ABCC3: variants seen among roughly 807,000 people sequenced by gnomAD.
ABCC3 encodes ATP-binding cassette sub-family C member 3.
ABCC3 carries 121 observed loss-of-function variants against 165.3 expected under a neutral mutation model. The observed-to-expected ratio is 0.73, with a 90% CI of 0.63 to 0.85. The LOEUF (loss-of-function observed/expected upper bound fraction) is 0.85, where lower values mean the gene tolerates loss of function less well. Among genes scored for constraint, ABCC3 ranks in the 40% least tolerant of loss-of-function variants. The pLI is 0.00. For synonymous variants in ABCC3, 733 were observed against 810.1 expected, an observed-to-expected ratio of 0.90 and a Z score of 1.62; for missense variants, 1,869 against 1,964.1, an observed-to-expected ratio of 0.95 and a Z score of 0.92.
intron 1 of ABCC3, among the ~76,000 whole-genome samples, chr17:50,645,012 C>T (rs1264567661): frequency 6.7e-6 from 1 of 149,914 alleles, no homozygotes; most frequent in Non-Finnish European, 1.5e-5. Context: ...AGCGAGACTC[C>T]GTCTCAAAAA....
chr17:50,668,880 C>A lies in ABCC3; in HGVS notation c.1898C>A (p.Thr633Asn). 6.2e-7 allele frequency: 1 copy of A among 1,614,062 alleles called. No homozygotes were observed. Among genetic ancestry groups the A allele is most frequent in the African/African-American group, 1.3e-5 (1 of 75,030 alleles). ...PGYAITIHSG[T>N]FTWAQDLPPT... is the part of the protein sequence containing the mutation. ...TATGCCATCACCATACACAGTGGCA[C>A]CTTCACCTGGGCCCAGGACCTGCCC... Residue 633 changes from threonine to asparagine, a missense_variant, in exon 15 of 31, where the codon ACC becomes AAC. Transcript: ENST00000285238.
chr17:50,638,119 G>T (rs1228049331), intron 1 of ABCC3, among the ~76,000 whole-genome samples: 1 of 152,230 alleles, frequency 6.6e-6, no homozygotes, highest in East Asian at 1.9e-4. Context: ...TTCCAAAAGA[G>T]TGAACTGTGT....
chr17:50,668,567 A>G (rs750110880), intron 14 of ABCC3, 50 bp downstream of exon 14: 3 of 1,455,602 alleles, frequency 2.1e-6, no homozygotes. Context: ...TGCTCCAGAA[A>G]AACCTCTGTT....
intron 29 of ABCC3, among the ~76,000 whole-genome samples, chr17:50,685,624 A>C (rs72839226): frequency 0.098 from 14,871 of 152,298 alleles, 817 homozygotes; most frequent in Middle Eastern, 0.16. Flanking sequence ...TTCTTCCTAC[A>C]AGTTTGAAAT....
intron 30 of ABCC3, among the ~76,000 whole-genome samples, chr17:50,689,937 A>G (rs555681586): frequency 1.3e-5 from 2 of 152,262 alleles, no homozygotes; most frequent in South Asian, 2.1e-4. Flanking sequence ...GAAATTAATC[A>G]AATAATCATG....
rs191348959 is a variant in ABCC3 at position 50,653,849 on chromosome 17, A to G, written c.46-1983A>G. Among the ~76,000 whole-genome samples, 83 of 152,240 alleles carry G rather than the reference A, an allele frequency of 5.5e-4. 1 individual carries two copies. The highest frequency in any genetic ancestry group is 5.1e-3 in the Admixed American group (78 of 15,290). On this transcript the variant is annotated intron_variant, in intron 1 of 30. Coordinates refer to ENST00000285238, the MANE Select transcript of ABCC3 (RefSeq NM_003786.4). ...TACTTACAGAGAGAAAAAAAGTGACACATAGAAATAGCCTATTTAGAACTC... is the reference window on the plus strand; with the variant it reads ...TACTTACAGAGAGAAAAAAAGTGACGCATAGAAATAGCCTATTTAGAACTC...
chr17:50,647,080 T>C (rs1029676787), intron 1 of ABCC3, among the ~76,000 whole-genome samples: 2 of 152,148 alleles, frequency 1.3e-5, no homozygotes, highest in African/African-American at 4.8e-5. Context: ...GATTTCACCA[T>C]GTTGGTCAGG....
Position 50,674,016 on chromosome 17 carries a change from C to T in ABCC3, c.2599+358C>T, listed in dbSNP as rs1398822156. 1.3e-3 allele frequency among the ~76,000 whole-genome samples: 33 copies of T among 25,584 alleles called. 2 individuals carry two copies. The highest frequency in any genetic ancestry group is 2.8e-3 in the East Asian group (4 of 1,412). The allele number at this position is 25,584 out of a possible 152,430, so 16.8% of individuals were successfully genotyped here. A position where few individuals can be genotyped will look rare whatever the true frequency, so the allele number is the denominator to read the frequency against. On this transcript the variant is annotated intron_variant, in intron 19 of 30. Coordinates refer to ENST00000285238, the MANE Select transcript of ABCC3 (RefSeq NM_003786.4). ...TCTCTCTCTCTCTCTCTCTCTCTCT[C>T]TCTCTCTCTCTCTCTCTCTCTTTCT... is the stretch of plus-strand genomic sequence containing the variant.
At chr17:50,670,870 A>G (rs1967633561) in intron 17 of ABCC3, among the ~76,000 whole-genome samples, 1 of 152,196 alleles carries the variant, frequency 6.6e-6, no homozygotes, top group South Asian at 2.1e-4. Flanking sequence ...TACCTTGGTT[A>G]AGATTTTGGC....
In ABCC3 at chr17:50,677,768, C is replaced by T; in HGVS notation, c.3403C>T (p.Gln1135Ter). ...VQRFYAATSR[Q>*]LKRLESVSRS... is the part of the protein sequence containing the mutation. ...GCGCTTCTATGCAGCCACATCACGG[C>T]AACTGAAGCGGCTGGAATCAGTCAG... Residue 1135 changes from glutamine to a stop codon, truncating the protein, a stop_gained, in exon 24 of 31, where the codon CAA becomes TAA. Coordinates refer to ENST00000285238, the MANE Select transcript of ABCC3 (RefSeq NM_003786.4). LOFTEE classifies it high-confidence loss of function. 1 of 1,614,108 alleles carries T rather than the reference C, an allele frequency of 6.2e-7. No homozygotes were observed. The highest frequency in any genetic ancestry group is 8.5e-7 in the Non-Finnish European group (1 of 1,180,034).
chr17:50,668,197 G>A (rs1328527746), intron 13 of ABCC3, among the ~76,000 whole-genome samples, 188 bp downstream of exon 13: 1 of 152,150 alleles, frequency 6.6e-6, no homozygotes, highest in Non-Finnish European at 1.5e-5. Flanking sequence ...GTCACAGGTG[G>A]TCAGGTCGGG....
At chr17:50,651,419 A>G (rs1156698875) in intron 1 of ABCC3, among the ~76,000 whole-genome samples, 1 of 152,104 alleles carries the variant, frequency 6.6e-6, no homozygotes, top group Non-Finnish European at 1.5e-5. Flanking sequence ...TCTTGATGCT[A>G]AGAGTGTTAA....
chr17:50,653,219 G>A lies in ABCC3; in HGVS notation c.46-2613G>A, dbSNP rs775169074. On this transcript the variant is annotated intron_variant, in intron 1 of 30. Coordinates refer to ENST00000285238, the MANE Select transcript of ABCC3 (RefSeq NM_003786.4). Reference sequence around the variant, plus strand: ...AAATTAGTCAGGCATGGTGGTGGGCGCCTGTAGTCCAAGCTACTCAGGAGG... The same window carrying A: ...AAATTAGTCAGGCATGGTGGTGGGCACCTGTAGTCCAAGCTACTCAGGAGG... 3.3e-5 allele frequency among the ~76,000 whole-genome samples: 5 copies of A among 151,420 alleles called. No homozygotes were observed. In the East Asian group the frequency reaches 5.9e-4, roughly 18 times the overall value.
intron 25 of ABCC3, chr17:50,679,581 T>G: frequency 2.3e-6 from 1 of 433,662 alleles, no homozygotes; most frequent in Non-Finnish European, 4.2e-6. Context: ...CAAGGCGAGG[T>G]GGTCCTTGGT....
chr17:50,658,509 T>C lies in ABCC3; in HGVS notation c.674+13T>C, dbSNP rs1179753225. 1 of 1,611,732 alleles carries C rather than the reference T, an allele frequency of 6.2e-7. No individual in the cohort carries two copies. Among genetic ancestry groups the C allele is most frequent in the South Asian group, 1.1e-5 (1 of 91,040 alleles). On this transcript the variant is annotated intron_variant, in intron 6 of 30. Coordinates refer to ENST00000285238, the MANE Select transcript of ABCC3 (RefSeq NM_003786.4). ...GGTGGTTCACAAAGTGAGTTGGCTC[T>C]TCCACCAGCCAGGCCAGAGGGAGGG...
At chr17:50,663,583 G>T in intron 8 of ABCC3, 98 bp from the exon 9 acceptor site, 2 of 1,408,576 alleles carry the variant, frequency 1.4e-6, no homozygotes, top group Non-Finnish European at 2.0e-6. Flanking sequence ...CAGAGGCCAG[G>T]GGTGCAGTGG....
At chr17:50,643,536 A>T in intron 1 of ABCC3, 1 of 456,270 alleles carries the variant, frequency 2.2e-6, no homozygotes, top group South Asian at 1.5e-5. Context: ...CCAACGTGCC[A>T]CTGTATCTGC....
rs551975826 is a variant in ABCC3 at position 50,687,554 on chromosome 17, C to G, written c.4299C>G (p.Leu1433=). Residue 1433 remains leucine (L), a synonymous_variant, in exon 30 of 31, where the codon CTC becomes CTG. Transcript: ENST00000285238. ...CTCCCAGCGTGGGCCAGAGGCAGCT[C>G]GTGTGCCTGGCCCGAGCCCTGCTCC... ...GENLSVGQRQ[L]VCLARALLRK... 8 of 1,613,658 alleles carry G rather than the reference C, an allele frequency of 5.0e-6. No individual in the cohort carries two copies. The highest frequency in any genetic ancestry group is 4.0e-5 in the African/African-American group (3 of 75,076).
intron 18 of ABCC3, 129 bp from the exon 19 acceptor site, chr17:50,673,340 G>T: frequency 7.7e-7 from 1 of 1,297,570 alleles, no homozygotes; most frequent in Admixed American, 2.2e-5. Context: ...AGCACAGGGT[G>T]AGTCACCCAT....
Sources: allele counts gnomAD v4.1 joint callset (sites outside exome capture counted in the v4.1 genomes callset), GRCh38; gene constraint gnomAD v4.1.1; transcripts MANE v1.5; gene names NCBI Gene and HGNC (gene_info 2026-07-23, HGNC 2026-07-21).